AADACL4: variants seen among roughly 807,000 people sequenced by gnomAD.
The protein encoded by AADACL4 is arylacetamide deacetylase like 4.
A neutral mutation model predicts 14.1 loss-of-function variants in AADACL4; 9 were observed. The ratio of observed to expected loss-of-function variants is 0.64; its 90% CI spans 0.39 to 1.12. The LOEUF is 1.12. Among genes scored for constraint, AADACL4 ranks in the 50% most tolerant of loss-of-function variants. The pLI is 0.01. For synonymous variants in AADACL4, 188 were observed against 201.6 expected (o/e 0.93, Z 0.57); for missense variants, 531 against 516.1 (o/e 1.03, Z -0.28).
Position 12,645,245 on chromosome 1 carries a change from TCCTCCCTC to T in AADACL4, c.168+551_168+558del, listed in dbSNP as rs375922335. Among the ~76,000 whole-genome samples the T allele has an allele frequency of 4.3e-3, 329 of 75,950 alleles. 6 individuals carry two copies. The East Asian group carries it at 0.094, about 22-fold the overall frequency. The allele number at this position is 75,950 out of a possible 152,430, so 49.8% of individuals were successfully genotyped here. ...CTCCCTATCTCCTTTCTTCCTTCCC[TCCTCCCTC>T]CCTCCCTCCCTCCCTCCCTTCCTTC... On this transcript the variant is annotated intron_variant, in intron 1 of 3. Coordinates refer to ENST00000376221, the MANE Select transcript of AADACL4 (RefSeq NM_001013630.2).
chr1:12,659,288 A>T (rs1242260693), intron 2 of AADACL4, among the ~76,000 whole-genome samples: 1 of 152,204 alleles, frequency 6.6e-6, no homozygotes, highest in Non-Finnish European at 1.5e-5. Context: ...ATTGCAGATC[A>T]TGATAACACA....
At chr1:12,647,906 C>T (rs1369371506) in intron 1 of AADACL4, among the ~76,000 whole-genome samples, 2 of 152,128 alleles carry the variant, frequency 1.3e-5, no homozygotes, top group Non-Finnish European at 2.9e-5. Flanking sequence ...GATCCGCCTG[C>T]CTTGGCCTCC....
intron 1 of AADACL4, among the ~76,000 whole-genome samples, chr1:12,644,919 C>T (rs116409850): frequency 0.011 from 1,687 of 150,386 alleles, 20 homozygotes; most frequent in South Asian, 0.031. Context: ...GCCTGCCTGC[C>T]TTTCTTCCTC....
In AADACL4 at chr1:12,647,669, T is replaced by G. The variant is rs200819933; in HGVS notation, c.168+2955T>G. Among the ~76,000 whole-genome samples the G allele has an allele frequency of 8.5e-4, 130 of 152,050 alleles. 1 individual carries two copies. The South Asian group carries it at 0.01, about 12-fold the overall frequency. ...TTTCTTTCTTTCTTTCTTTTTTTTT[T>G]TTTGAGACAGTCTCAGTCTCTTACC... On this transcript the variant is annotated intron_variant, in intron 1 of 3. Transcript: ENST00000376221.
At chr1:12,645,704 C>T (rs1473453282) in intron 1 of AADACL4, among the ~76,000 whole-genome samples, 6 of 151,856 alleles carry the variant, frequency 4.0e-5, no homozygotes, top group African/African-American at 7.3e-5. Context: ...CCACCATGCC[C>T]GGCTAATTTT....
chr1:12,652,275 T>A (rs540566383), intron 2 of AADACL4, among the ~76,000 whole-genome samples: 4 of 152,292 alleles, frequency 2.6e-5, no homozygotes, highest in Non-Finnish European at 5.9e-5. Flanking sequence ...GCAGTCCCAA[T>A]ACGCGTCTAT....
intron 2 of AADACL4, among the ~76,000 whole-genome samples, chr1:12,661,359 G>A (rs867846144): frequency 5.9e-5 from 9 of 152,076 alleles, no homozygotes; most frequent in South Asian, 4.1e-4. Context: ...TCATATTGAC[G>A]GACCTGCCTC....
chr1:12,648,958 C>G (rs1422569926), intron 1 of AADACL4, among the ~76,000 whole-genome samples: 1 of 152,164 alleles, frequency 6.6e-6, no homozygotes, highest in Non-Finnish European at 1.5e-5. Context: ...TCAAAATCCC[C>G]TAAACAAACG....
intron 1 of AADACL4, among the ~76,000 whole-genome samples, 158 bp downstream of exon 1, chr1:12,644,872 C>T (rs1647099957): frequency 1.3e-5 from 2 of 152,018 alleles, no homozygotes; most frequent in Non-Finnish European, 2.9e-5. Flanking sequence ...CTGTTTGCCT[C>T]TCTCTTCCCT....
chr1:12,665,346 C>A (rs571279177), intron 3 of AADACL4, among the ~76,000 whole-genome samples: 1 of 152,312 alleles, frequency 6.6e-6, no homozygotes, highest in South Asian at 2.1e-4. Flanking sequence ...CCTCAGCCTC[C>A]TGAGTAGCTG....
At chr1:12,650,865 C>T (rs1647140965) in intron 1 of AADACL4, among the ~76,000 whole-genome samples, 2 of 152,172 alleles carry the variant, frequency 1.3e-5, no homozygotes, top group African/African-American at 4.8e-5. Context: ...GGCTTCTTCC[C>T]AGTCAGCCCC....
At chr1:12,645,695 C>CA (rs1206258650) in intron 1 of AADACL4, among the ~76,000 whole-genome samples, 2 of 152,034 alleles carry the variant, frequency 1.3e-5, no homozygotes, top group Non-Finnish European at 2.9e-5. Flanking sequence ...AGGTGCGCAC[C>CA]ACCATGCCCG....
At chr1:12,651,084 C>T in intron 1 of AADACL4, 39 bp from the exon 2 acceptor site, 1 of 1,580,124 alleles carries the variant, frequency 6.3e-7, no homozygotes, top group Non-Finnish European at 8.7e-7. Context: ...AGATTCTAAC[C>T]TCTCCTAACG....
chr1:12,647,026 C>T (rs1647116059), intron 1 of AADACL4, among the ~76,000 whole-genome samples: 1 of 152,074 alleles, frequency 6.6e-6, no homozygotes, highest in Admixed American at 6.6e-5. Context: ...GCCCTGAAGC[C>T]CTCACTTACT....
At position 12,651,339 on chromosome 1, in the gene AADACL4, G is replaced by T. The variant is rs1225168630; in HGVS notation, c.385G>T (p.Asp129Tyr). ...AGGGGCCACAGTATTTGGGAGCCTG[G>T]GTAAGGGGCTTCCCTGTGGCTTTGT... ...HGGATVFGSL[D>Y]CYHGLCNYLA... Residue 129 changes from aspartate to tyrosine, a missense_variant and splice_region_variant, in exon 2 of 4, where the codon GAT (aspartate) becomes TAT (tyrosine). Coordinates refer to ENST00000376221, the MANE Select transcript of AADACL4 (RefSeq NM_001013630.2). The T allele has an allele frequency of 1.9e-6, 3 of 1,614,018 alleles. No individual in the cohort carries two copies. The highest frequency in any genetic ancestry group is 1.7e-6 in the Non-Finnish European group (2 of 1,180,002).
intron 2 of AADACL4, among the ~76,000 whole-genome samples, chr1:12,660,252 C>T (rs1647216019): frequency 6.6e-6 from 1 of 152,188 alleles, no homozygotes; most frequent in African/African-American, 2.4e-5. Context: ...CCAGCCAAGC[C>T]TATTTAAAAT....
intron 2 of AADACL4, 120 bp from the exon 3 acceptor site, chr1:12,661,671 A>G: frequency 1.9e-6 from 2 of 1,029,030 alleles, no homozygotes; most frequent in Non-Finnish European, 3.1e-6. Flanking sequence ...AGGCAAGGAT[A>G]GAAACAGAGA....
rs1235019904 is a variant in AADACL4, at chr1:12,651,280, C to T, written c.326C>T (p.Ser109Phe). The change falls in exon 2 of 4, where the codon TCC (serine) becomes TTC (phenylalanine). Residue 109 changes from serine (S) to phenylalanine (F), a missense_variant. Transcript: ENST00000376221. ...VRLFQPKAAS[S>F]RPRRGIIFYH... Reference sequence around the variant, plus strand: ...CTGTTCCAGCCGAAGGCAGCATCCTCCAGACCCCGGCGAGGCATCATCTTC... The same window carrying T: ...CTGTTCCAGCCGAAGGCAGCATCCTTCAGACCCCGGCGAGGCATCATCTTC... 6.2e-7 allele frequency: 1 copy of T among 1,614,194 alleles called. No individual in the cohort carries two copies. Among genetic ancestry groups the T allele is most frequent in the South Asian group, 1.1e-5 (1 of 91,080 alleles).
At chr1:12,661,764 G>C (rs760020522) in intron 2 of AADACL4, 27 bp from the exon 3 acceptor site, 1 of 1,611,686 alleles carries the variant, frequency 6.2e-7, no homozygotes, top group Admixed American at 1.7e-5. Flanking sequence ...CTCATGCGCT[G>C]CTGCTCTGAG....
Sources: allele counts gnomAD v4.1 joint callset (sites outside exome capture counted in the v4.1 genomes callset), GRCh38; gene constraint gnomAD v4.1.1; transcripts MANE v1.5; gene names NCBI Gene and HGNC (gene_info 2026-07-23, HGNC 2026-07-21).